Variants in PUDP observed in about 807,000 individuals in gnomAD.
PUDP encodes the protein pseudouridine-5'-phosphatase.
In PUDP, 8 loss-of-function variants were observed where a neutral mutation model predicts 9.4. That is an observed-to-expected ratio of 0.85 (90% confidence interval 0.50 to 1.53). The LOEUF is 1.53. Among genes scored for constraint, PUDP ranks in the 40% most tolerant of loss-of-function variants. PUDP has a pLI of 0.00. For synonymous variants in PUDP, 99 were observed against 80.7 expected, an observed-to-expected ratio of 1.23 and a Z score of -1.22; for missense variants, 188 against 189.7, an observed-to-expected ratio of 0.99 and a Z score of 0.05.
At chrX:6,883,342 C>T (rs1350828555) in intron 3 of PUDP, among the ~76,000 whole-genome samples, 1 of 109,885 alleles carries the variant, frequency 9.1e-6, no homozygotes, top group African/African-American at 3.3e-5. Context: ...GCCAACATGG[C>T]GAAACCCCAT....
At chrX:6,933,847 G>A in intron 3 of PUDP, among the ~76,000 whole-genome samples, 1 of 111,634 alleles carries the variant, frequency 9.0e-6, no homozygotes, top group African/African-American at 3.3e-5. Context: ...AGAAGCCCCA[G>A]GAGCCGATGC....
At chrX:6,876,585 A>G (rs992307774) in intron 3 of PUDP, among the ~76,000 whole-genome samples, 3 of 108,565 alleles carry the variant, frequency 2.8e-5, no homozygotes, top group Non-Finnish European at 3.8e-5. Flanking sequence ...ACCTATGGTC[A>G]CACCACTGCA....
At chrX:6,774,987 T>C (rs5948726) in intron 3 of PUDP, among the ~76,000 whole-genome samples, 24,076 of 111,394 alleles carry the variant, frequency 0.22, 1,906 homozygotes, top group Admixed American at 0.28. Flanking sequence ...TAACATTCAA[T>C]TAACTGTTTT....
At chrX:6,731,803 CGGAAGGAA>C in intron 3 of PUDP, among the ~76,000 whole-genome samples, 1 of 104,037 alleles carries the variant, frequency 9.6e-6, no homozygotes, top group South Asian at 4.2e-4. Context: ...GAAGGGACGG[CGGAAGGAA>C]GGAAGGAAGG....
intron 3 of PUDP, among the ~76,000 whole-genome samples, chrX:6,837,438 T>C (rs1048498125): frequency 1.8e-5 from 2 of 112,878 alleles, no homozygotes; most frequent in Non-Finnish European, 3.7e-5. Flanking sequence ...CAGGTGACTT[T>C]TGTCGCACTT....
intron 3 of PUDP, among the ~76,000 whole-genome samples, chrX:6,888,910 GAT>G (rs1204930285): frequency 8.9e-6 from 1 of 112,014 alleles, no homozygotes; most frequent in Non-Finnish European, 1.9e-5. Context: ...CCCCTGACGA[GAT>G]ATTGCACTAC....
chrX:6,764,003 G>T (rs953572908), intron 3 of PUDP, among the ~76,000 whole-genome samples: 1 of 111,595 alleles, frequency 9.0e-6, no homozygotes, highest in African/African-American at 3.3e-5. Flanking sequence ...TCATAGCATT[G>T]GGAGCTAGAA....
chrX:6,723,533 A>G (rs975435006), upstream of PUDP, among the ~76,000 whole-genome samples: 1 of 108,743 alleles, frequency 9.2e-6, no homozygotes, highest in Non-Finnish European at 1.9e-5. Flanking sequence ...AGAGAAAGCT[A>G]TACTACAGAT....
intron 2 of PUDP, among the ~76,000 whole-genome samples, chrX:7,094,820 T>C (rs1168898430): frequency 8.9e-6 from 1 of 112,177 alleles, no homozygotes; most frequent in Non-Finnish European, 1.9e-5. Flanking sequence ...AAGTTGAATG[T>C]GTTACCATGA....
At chrX:6,856,455 C>T (rs756535809) in intron 3 of PUDP, among the ~76,000 whole-genome samples, 27 of 112,227 alleles carry the variant, frequency 2.4e-4, no homozygotes, top group African/African-American at 8.1e-4. Context: ...AAAATGCCTA[C>T]AAATGCAATC....
At chrX:7,024,753 A>ATTTTTTTTTTTTTTT (rs1929684299) in intron 1 of PUDP, among the ~76,000 whole-genome samples, 3 of 29,522 alleles carry the variant, frequency 1.0e-4, no homozygotes, top group Non-Finnish European at 2.2e-4. Context: ...CGCCCGGCTA[A>ATTTTTTTTTTTTTTT]CTTTTTTTTT....
At chrX:7,130,487 C>G (rs1333425574) in intron 1 of PUDP, among the ~76,000 whole-genome samples, 2 of 111,176 alleles carry the variant, frequency 1.8e-5, no homozygotes, top group African/African-American at 6.6e-5. Context: ...CATGTATTCT[C>G]TCTGAGGAAG....
intron 1 of PUDP, among the ~76,000 whole-genome samples, chrX:7,025,456 T>C (rs1450749000): frequency 8.9e-6 from 1 of 112,388 alleles, no homozygotes; most frequent in Non-Finnish European, 1.9e-5. Context: ...AAAATTCAGA[T>C]GTAGCAAAAG....
chrX:6,724,681 G>C (rs1306454408), upstream of PUDP, among the ~76,000 whole-genome samples: 1 of 111,356 alleles, frequency 9.0e-6, no homozygotes, highest in Non-Finnish European at 1.9e-5. Flanking sequence ...GCATTAAGCA[G>C]TGTTCTAAAT....
chrX:7,034,358 T>G (rs1243988368), intron 1 of PUDP, among the ~76,000 whole-genome samples: 4 of 111,567 alleles, frequency 3.6e-5, no homozygotes, highest in Non-Finnish European at 5.7e-5. Flanking sequence ...CACACATGCA[T>G]TTTTTTTACA....
chrX:7,061,397 T>C (rs1930398044), intron 3 of PUDP, among the ~76,000 whole-genome samples: 1 of 111,669 alleles, frequency 9.0e-6, no homozygotes. Context: ...AGCCAATTTT[T>C]ATACCTTGGG....
At chrX:6,727,047 G>A (rs76451585) in intron 3 of PUDP, among the ~76,000 whole-genome samples, 37 of 111,418 alleles carry the variant, frequency 3.3e-4, no homozygotes, top group Non-Finnish European at 5.8e-4. Flanking sequence ...CGATTATGTA[G>A]TTTTTTAAAG....
At chrX:7,008,521 G>C (rs1380123085) in intron 1 of PUDP, among the ~76,000 whole-genome samples, 1 of 111,099 alleles carries the variant, frequency 9.0e-6, no homozygotes, top group Non-Finnish European at 1.9e-5. Flanking sequence ...GGCATTCAAA[G>C]AAATATTTTT....
At chrX:6,729,666 A>T (rs907462222) in intron 3 of PUDP, among the ~76,000 whole-genome samples, 13 of 111,267 alleles carry the variant, frequency 1.2e-4, no homozygotes, top group African/African-American at 4.3e-4. Context: ...ACACATACAC[A>T]CACACTCCTT....
Sources: gnomAD v4.1 joint callset for allele counts (sites outside exome capture counted in the v4.1 genomes callset) on GRCh38, gnomAD v4.1.1 for gene constraint, MANE v1.5 for transcripts, NCBI Gene and HGNC (gene_info 2026-07-23, HGNC 2026-07-21) for gene names.